The following LRP1B variants were observed in gnomAD, a reference collection of about 807,000 sequenced individuals.
The protein encoded by LRP1B is LDL receptor related protein 1B, also known as low-density lipoprotein receptor-related protein 1B.
A neutral mutation model predicts 556.6 loss-of-function variants in LRP1B; 217 were observed. The ratio of observed to expected loss-of-function variants is 0.39; its 90% CI spans 0.35 to 0.44. The LOEUF is 0.44. Ranked by LOEUF, LRP1B falls within the 20% of genes least tolerant of loss-of-function variation. The pLI is 1.00. For synonymous variants in LRP1B, 2,047 were observed against 1,865.8 expected (o/e 1.10, Z -2.50); for missense variants, 5,053 against 5,620.8 (o/e 0.90, Z 3.23).
intron 3 of LRP1B, among the ~76,000 whole-genome samples, chr2:141,473,272 T>C (rs1682550728): frequency 6.6e-6 from 1 of 152,222 alleles, no homozygotes; most frequent in Non-Finnish European, 1.5e-5. Context: ...TATACGTTTA[T>C]ATATACACAC....
At chr2:140,877,370 A>G (rs1693342913) in intron 25 of LRP1B, among the ~76,000 whole-genome samples, 1 of 152,162 alleles carries the variant, frequency 6.6e-6, no homozygotes, top group Admixed American at 6.6e-5. Context: ...CTTTCCTAAT[A>G]AATCAAGACT....
In LRP1B at chr2:141,524,263, A is replaced by AATATATATATATAT. The variant is rs76874852; in HGVS notation, c.206-43744_206-43731dup. On this transcript the variant is annotated intron_variant, in intron 2 of 90. Transcript: ENST00000389484. ...CTGCCTGTGAAAGCTATAAGCAAAG[A>AATATATATATATAT]ATATATATATATATATAAAACTCAA... 1.2e-3 allele frequency among the ~76,000 whole-genome samples: 178 copies of AATATATATATATAT among 148,118 alleles called. 1 individual carries two copies. Among genetic ancestry groups the AATATATATATATAT allele is most frequent in the Middle Eastern group, 3.5e-3 (1 of 286 alleles).
chr2:140,981,187 C>A (rs1476341238), intron 18 of LRP1B, among the ~76,000 whole-genome samples: 1 of 151,936 alleles, frequency 6.6e-6, no homozygotes, highest in Non-Finnish European at 1.5e-5. Context: ...TCTTAGAAAT[C>A]ACCATTAAAT....
At chr2:141,725,570 AT>A (rs1441991903) in intron 2 of LRP1B, among the ~76,000 whole-genome samples, 2 of 151,892 alleles carry the variant, frequency 1.3e-5, no homozygotes, top group African/African-American at 4.8e-5. Context: ...GTATTTTGCA[AT>A]TTGGGAAGGA....
chr2:141,547,718 G>A (rs1259995312), intron 2 of LRP1B, among the ~76,000 whole-genome samples: 1 of 152,050 alleles, frequency 6.6e-6, no homozygotes, highest in African/African-American at 2.4e-5. Context: ...CCATGTAGCT[G>A]TACTTTCATA....
intron 3 of LRP1B, among the ~76,000 whole-genome samples, chr2:141,365,214 CT>C (rs1688972509): frequency 6.6e-6 from 1 of 150,798 alleles, no homozygotes; most frequent in Admixed American, 6.6e-5. Context: ...TATGATGCAT[CT>C]TTTTTGTTTG....
At chr2:140,381,818 C>T (rs1039524496) in intron 67 of LRP1B, among the ~76,000 whole-genome samples, 3 of 144,314 alleles carry the variant, frequency 2.1e-5, no homozygotes, top group East Asian at 2.0e-4. Context: ...GTCAAGATTG[C>T]GCCACTACAC....
intron 15 of LRP1B, among the ~76,000 whole-genome samples, chr2:140,995,020 A>G (rs1321087732): frequency 6.6e-6 from 1 of 152,000 alleles, no homozygotes; most frequent in Non-Finnish European, 1.5e-5. Context: ...GTGAAGGGGA[A>G]AAAGCACTCA....
chr2:141,031,760 A>G (rs995869844), intron 11 of LRP1B, among the ~76,000 whole-genome samples: 6 of 152,130 alleles, frequency 3.9e-5, no homozygotes, highest in South Asian at 4.1e-4. Context: ...ATTCAAGTGT[A>G]TAAAGATTTT....
At chr2:142,006,402 C>T (rs540284634) in intron 1 of LRP1B, among the ~76,000 whole-genome samples, 51 of 152,312 alleles carry the variant, frequency 3.3e-4, no homozygotes, top group African/African-American at 1.2e-3. Context: ...TGGCTTCTTA[C>T]ATATTAGGCT....
At chr2:141,828,613 G>A (rs150551244) in intron 1 of LRP1B, among the ~76,000 whole-genome samples, 15 of 152,120 alleles carry the variant, frequency 9.9e-5, no homozygotes, top group African/African-American at 3.6e-4. Context: ...TCGTTTAAGT[G>A]GGTTTTTCAT....
In LRP1B at chr2:140,883,842, C is replaced by T. The variant is rs2105186726; in HGVS notation, c.4144G>A (p.Ala1382Thr). 3 of 1,613,834 alleles carry T rather than the reference C, an allele frequency of 1.9e-6. No individual in the cohort carries two copies. Among genetic ancestry groups the T allele is most frequent in the Non-Finnish European group, 2.5e-6 (3 of 1,179,876 alleles). The part of the protein sequence containing the change: ...LIAGAMEHPR[A>T]IALDPRYGIL... ...CCATATCTTGGGTCCAAAGCAATGG[C>T]CCTGGGGTGTTCCATGGCTCCTGCT... The change falls in exon 25 of 91, where the codon GCC (alanine) becomes ACC (threonine). Residue 1382 changes from alanine (A) to threonine (T), a missense_variant. By Grantham distance (58) the Ala-to-Thr change is moderately conservative. Coordinates refer to ENST00000389484, the MANE Select transcript of LRP1B (RefSeq NM_018557.3).
At chr2:140,421,508 C>A (rs572666703) in intron 66 of LRP1B, among the ~76,000 whole-genome samples, 1 of 152,108 alleles carries the variant, frequency 6.6e-6, no homozygotes, top group Non-Finnish European at 1.5e-5. Context: ...ACAAGAAATG[C>A]AAGATTTCAC....
intron 41 of LRP1B, among the ~76,000 whole-genome samples, chr2:140,676,847 A>T (rs563085009): frequency 6.6e-6 from 1 of 152,220 alleles, no homozygotes; most frequent in Non-Finnish European, 1.5e-5. Flanking sequence ...ATTATGTACA[A>T]ATATTTATTG....
At position 140,543,027 on chromosome 2, in the gene LRP1B, G is replaced by T. The variant is rs150269334; in HGVS notation, c.7195-1056C>A. Among the ~76,000 whole-genome samples the T allele has an allele frequency of 7.0e-3, 1,067 of 152,232 alleles. 6 individuals are homozygous for T. The highest frequency in any genetic ancestry group is 0.014 in the Middle Eastern group (4 of 294). On this transcript the variant is annotated intron_variant, in intron 43 of 90. Coordinates refer to ENST00000389484, the MANE Select transcript of LRP1B (RefSeq NM_018557.3). Reference sequence around the variant, plus strand: ...TAATTCATGAGACTCTGAGTACTCCGCAGGGTCTGCCTTAGCAGTGGGGAA... The same window carrying T: ...TAATTCATGAGACTCTGAGTACTCCTCAGGGTCTGCCTTAGCAGTGGGGAA...
chr2:141,584,437 G>A (rs1334658676), intron 2 of LRP1B, among the ~76,000 whole-genome samples: 1 of 151,952 alleles, frequency 6.6e-6, no homozygotes, highest in African/African-American at 2.4e-5. Flanking sequence ...GTTAAGAATC[G>A]ACCATACTAA....
At chr2:141,599,052 C>T (rs1687633425) in intron 2 of LRP1B, among the ~76,000 whole-genome samples, 1 of 11,168 alleles carries the variant, frequency 9.0e-5, no homozygotes, top group African/African-American at 4.4e-4. Flanking sequence ...AACTCCCCCC[C>T]GCCCCCCCCC....
At chr2:140,833,649 C>A (rs772650814) in intron 31 of LRP1B, among the ~76,000 whole-genome samples, 1 of 152,112 alleles carries the variant, frequency 6.6e-6, no homozygotes, top group Non-Finnish European at 1.5e-5. Context: ...TTTAAAGTCA[C>A]AGTTTCCAAG....
rs1684277686 is a variant in LRP1B, at chr2:140,641,109, A to G, written c.6800-39470T>C. Among the ~76,000 whole-genome samples, 3 of 152,226 alleles carry G rather than the reference A, an allele frequency of 2.0e-5. No homozygotes were observed. The South Asian group carries it at 6.2e-4, about 31-fold the overall frequency. ...AAGACAAAATTATAATTTGTCATCT[A>G]TGGTTTCCACAAAAATTGCCAGGCT... On this transcript the variant is annotated intron_variant, in intron 41 of 90. Coordinates refer to ENST00000389484, the MANE Select transcript of LRP1B (RefSeq NM_018557.3).
Sources: gnomAD v4.1 joint callset for allele counts (sites outside exome capture counted in the v4.1 genomes callset) on GRCh38, gnomAD v4.1.1 for gene constraint, MANE v1.5 for transcripts, NCBI Gene and HGNC (gene_info 2026-07-23, HGNC 2026-07-21) for gene names.